GRIK3: variants seen among roughly 807,000 people sequenced by gnomAD.
GRIK3 encodes glutamate ionotropic receptor kainate type subunit 3.
GRIK3 carries 29 observed loss-of-function variants against 102.5 expected under a neutral mutation model. That is an observed-to-expected ratio of 0.28 (90% CI 0.21 to 0.39). GRIK3 has a LOEUF of 0.39. Among genes scored for constraint, GRIK3 ranks in the 10% least tolerant of loss-of-function variants. The pLI is 1.00. For synonymous variants in GRIK3, 511 were observed against 504.9 expected, an observed-to-expected ratio of 1.01 and a Z score of -0.16; for missense variants, 908 against 1,252.4, an observed-to-expected ratio of 0.73 and a Z score of 4.15.
chr1:36,946,742 C>G (rs1220519664), intron 1 of GRIK3, among the ~76,000 whole-genome samples: 2 of 152,178 alleles, frequency 1.3e-5, no homozygotes, highest in Non-Finnish European at 2.9e-5. Context: ...AGAGGTGCAT[C>G]CAATAACTCA....
chr1:36,808,815 T>G (rs1340977018), intron 13 of GRIK3, among the ~76,000 whole-genome samples: 2 of 152,182 alleles, frequency 1.3e-5, no homozygotes, highest in African/African-American at 4.8e-5. Flanking sequence ...TTATACACCC[T>G]CTCAACCACA....
intron 1 of GRIK3, among the ~76,000 whole-genome samples, chr1:36,943,586 T>C (rs1465207775): frequency 6.6e-6 from 1 of 152,212 alleles, no homozygotes; most frequent in Admixed American, 6.5e-5. Flanking sequence ...CTCTCCCTAG[T>C]CCTGGACCTG....
At chr1:36,961,842 C>A (rs1642013676) in intron 1 of GRIK3, among the ~76,000 whole-genome samples, 1 of 152,202 alleles carries the variant, frequency 6.6e-6, no homozygotes, top group Non-Finnish European at 1.5e-5. Context: ...ATGGCACTGT[C>A]CTAGGTGCGG....
At chr1:37,011,462 G>T (rs1427307500) in intron 1 of GRIK3, among the ~76,000 whole-genome samples, 11 of 152,182 alleles carry the variant, frequency 7.2e-5, no homozygotes, top group Non-Finnish European at 4.4e-5. Flanking sequence ...ACCCTATGGG[G>T]TAAATGCTTT....
At chr1:36,983,409 C>T (rs1462853133) in intron 1 of GRIK3, among the ~76,000 whole-genome samples, 1 of 152,190 alleles carries the variant, frequency 6.6e-6, no homozygotes, top group Non-Finnish European at 1.5e-5. Context: ...ATGCATACCC[C>T]TTCTGGCACC....
At chr1:36,897,889 C>G (rs1181019003) in intron 1 of GRIK3, among the ~76,000 whole-genome samples, 1 of 152,132 alleles carries the variant, frequency 6.6e-6, no homozygotes, top group Non-Finnish European at 1.5e-5. Context: ...TTGGGAGCAA[C>G]CTACATGTCC....
chr1:36,806,816 C>A lies in GRIK3; in HGVS notation c.2092-490G>T, dbSNP rs987077833. ...TAAGTAGCAAAGCCAGGCTTCAAAC[C>A]CAGGCCATCTGGCTCCAGAGTCCAT... On this transcript the variant is annotated intron_variant, in intron 13 of 15. Transcript: ENST00000373091. This position sits in a 1 kb window ranked among gnomAD's most constrained non-coding sequence, Gnocchi z 4.0. 4.6e-5 allele frequency among the ~76,000 whole-genome samples: 7 copies of A among 152,126 alleles called. No individual in the cohort carries two copies. The highest frequency in any genetic ancestry group is 1.5e-5 in the Non-Finnish European group (1 of 68,032).
At chr1:36,988,563 G>A (rs1180677000) in intron 1 of GRIK3, among the ~76,000 whole-genome samples, 1 of 152,272 alleles carries the variant, frequency 6.6e-6, no homozygotes, top group Non-Finnish European at 1.5e-5. Flanking sequence ...TGTGCCCAGA[G>A]TTCCTGTAAG....
At chr1:36,946,920 C>T (rs1641790911) in intron 1 of GRIK3, among the ~76,000 whole-genome samples, 1 of 152,156 alleles carries the variant, frequency 6.6e-6, no homozygotes, top group Non-Finnish European at 1.5e-5. Context: ...CTCTACGGAT[C>T]ACTGGCTCAG....
chr1:37,009,634 G>C (rs754089514), intron 1 of GRIK3, among the ~76,000 whole-genome samples: 3 of 152,192 alleles, frequency 2.0e-5, no homozygotes, highest in African/African-American at 7.2e-5. Context: ...TTCGTGGGGA[G>C]CCCATGTTAC....
At chr1:37,022,553 A>C (rs1642726132) in intron 1 of GRIK3, among the ~76,000 whole-genome samples, 1 of 152,384 alleles carries the variant, frequency 6.6e-6, no homozygotes, top group South Asian at 2.1e-4. Context: ...AGCTCTGCCC[A>C]AAAGACTAAA....
chr1:36,831,727 TGTG>T (rs1242027321), intron 10 of GRIK3, among the ~76,000 whole-genome samples: 11 of 152,218 alleles, frequency 7.2e-5, no homozygotes, highest in Non-Finnish European at 1.5e-4. Context: ...GCATTTGAAA[TGTG>T]GCTTGTAAGA....
intron 1 of GRIK3, among the ~76,000 whole-genome samples, chr1:37,017,787 A>G (rs1642669615): frequency 6.6e-6 from 1 of 152,142 alleles, no homozygotes; most frequent in African/African-American, 2.4e-5. Context: ...ATGGATCACA[A>G]TGCTAACGGT....
intron 1 of GRIK3, among the ~76,000 whole-genome samples, chr1:36,898,540 C>A (rs1641198827): frequency 6.6e-6 from 1 of 152,056 alleles, no homozygotes; most frequent in African/African-American, 2.4e-5. Context: ...AATAAGACAT[C>A]AATAAATGTA....
chr1:37,018,985 T>G lies in GRIK3; in HGVS notation c.115+15009A>C, dbSNP rs140346867. Among the ~76,000 whole-genome samples the G allele has an allele frequency of 7.6e-3, 1,164 of 152,194 alleles. 7 individuals carry two copies. Among genetic ancestry groups the G allele is most frequent in the African/African-American group, 0.026 (1,064 of 41,520 alleles). On this transcript the variant is annotated intron_variant, in intron 1 of 15. Coordinates refer to ENST00000373091, the MANE Select transcript of GRIK3 (RefSeq NM_000831.4). ...GAAGCGACTGACTTCCAAGCTAGATTTTCCCTCCCACCCTCCAAGAACAGC... is the reference window on the plus strand; with the variant it reads ...GAAGCGACTGACTTCCAAGCTAGATGTTCCCTCCCACCCTCCAAGAACAGC...
At chr1:36,838,580 A>T (rs148356915) in intron 10 of GRIK3, among the ~76,000 whole-genome samples, 17 of 152,206 alleles carry the variant, frequency 1.1e-4, no homozygotes, top group African/African-American at 4.1e-4. Context: ...TAACCCTTGG[A>T]AGACCATGTG....
chr1:36,955,984 C>T (rs1376619542), intron 1 of GRIK3, among the ~76,000 whole-genome samples: 2 of 152,260 alleles, frequency 1.3e-5, no homozygotes, highest in African/African-American at 4.8e-5. Flanking sequence ...GTGAGGAAGA[C>T]AAGGTTCTTG....
At chr1:36,842,350 C>T (rs75330356) in intron 9 of GRIK3, among the ~76,000 whole-genome samples, 1,779 of 152,260 alleles carry the variant, frequency 0.012, 32 homozygotes, top group African/African-American at 0.041. Context: ...TTCTCAGGCC[C>T]CACCCCAGAC....
intron 2 of GRIK3, among the ~76,000 whole-genome samples, chr1:36,883,370 G>A (rs954765842): frequency 1.1e-4 from 16 of 152,088 alleles, no homozygotes; most frequent in African/African-American, 3.6e-4. Flanking sequence ...TTTTACCACT[G>A]GCTCCATCCT....
Sources: gnomAD v4.1 joint callset for allele counts (sites outside exome capture counted in the v4.1 genomes callset) on GRCh38, gnomAD v4.1.1 for gene constraint, Gnocchi (gnomAD v3.1) non-coding constraint, MANE v1.5 for transcripts, NCBI Gene and HGNC (gene_info 2026-07-23, HGNC 2026-07-21) for gene names.